ZBTB16: variants seen among roughly 807,000 people sequenced by gnomAD.
The protein encoded by ZBTB16 is zinc finger and BTB domain-containing protein 16.
In ZBTB16, 8 loss-of-function variants were observed where a neutral mutation model predicts 56.8. The observed-to-expected ratio is 0.14, with a 90% CI of 0.08 to 0.25. The LOEUF (loss-of-function observed/expected upper bound fraction) is 0.25, where lower values mean the gene tolerates loss of function less well. Ranked by LOEUF, ZBTB16 falls within the 10% of genes least tolerant of loss-of-function variation. The pLI, the probability that ZBTB16 is intolerant of heterozygous loss-of-function variation, is 1.00. For synonymous variants in ZBTB16, 363 were observed against 368.5 expected (o/e 0.98, Z 0.17); for missense variants, 625 against 903.0 (o/e 0.69, Z 3.95).
chr11:114,140,293 G>C (rs1447978902), intron 2 of ZBTB16, among the ~76,000 whole-genome samples: 1 of 152,198 alleles, frequency 6.6e-6, no homozygotes. Context: ...TCCCACTCAG[G>C]CTGGGTGTTG....
At chr11:114,195,087 C>G (rs1179457320) in intron 4 of ZBTB16, among the ~76,000 whole-genome samples, 1 of 152,112 alleles carries the variant, frequency 6.6e-6, no homozygotes, top group Non-Finnish European at 1.5e-5. Flanking sequence ...GTGGGTTTTA[C>G]AAATCATAAT....
Position 114,063,099 on chromosome 11 carries a change from A to G in ZBTB16, c.-90-112A>G, listed in dbSNP as rs1173663513. 1.6e-6 allele frequency: 1 copy of G among 612,744 alleles called. No individual in the cohort carries two copies. Among genetic ancestry groups the G allele is most frequent in the Non-Finnish European group, 2.9e-6 (1 of 348,398 alleles). 38.0% of individuals were successfully genotyped at this position (612,744 alleles called of 1,614,324 possible). A position where few individuals can be genotyped will look rare whatever the true frequency, so the allele number is the denominator to read the frequency against. ...AGATCCTCTTGCTAAGGGCTTGGCA[A>G]CAGGGAGGAGGGGGCATGTTGTAGT... On this transcript the variant is annotated intron_variant, in intron 1 of 6. Coordinates refer to ENST00000335953, the MANE Select transcript of ZBTB16 (RefSeq NM_006006.6). This position sits in a 1 kb window ranked among gnomAD's most constrained non-coding sequence, Gnocchi z 6.5.
rs1386647182 is a variant in ZBTB16 at position 114,253,217 on chromosome 11, T to C, written c.*2662T>C. 1.3e-5 allele frequency among the ~76,000 whole-genome samples: 2 copies of C among 151,942 alleles called. No homozygotes were observed. Among genetic ancestry groups the C allele is most frequent in the African/African-American group, 2.4e-5 (1 of 41,364 alleles). ...AAGGAAGAGAAAAAAATCAAACTAT[T>C]CCATAGAACTAGCTGGCCCCCTCAC... On this transcript the variant is annotated 3_prime_UTR_variant, in exon 7 of 7. Transcript: ENST00000335953.
chr11:114,212,478 T>C (rs1185040235), intron 4 of ZBTB16, among the ~76,000 whole-genome samples: 1 of 152,096 alleles, frequency 6.6e-6, no homozygotes, highest in South Asian at 2.1e-4. Flanking sequence ...GCCACACAAA[T>C]TTAGAAAGGG....
At chr11:114,099,542 T>C (rs1940535781) in intron 2 of ZBTB16, among the ~76,000 whole-genome samples, 1 of 152,102 alleles carries the variant, frequency 6.6e-6, no homozygotes, top group Non-Finnish European at 1.5e-5. Flanking sequence ...AGTGTGGTTT[T>C]AGTTTAACCA....
chr11:114,234,643 G>A (rs1001582192), intron 4 of ZBTB16, among the ~76,000 whole-genome samples: 3 of 152,182 alleles, frequency 2.0e-5, no homozygotes, highest in Non-Finnish European at 4.4e-5. Context: ...AAAAGGAGGT[G>A]AGTCCTAAAT....
intron 4 of ZBTB16, among the ~76,000 whole-genome samples, chr11:114,192,528 C>T (rs1007164240): frequency 6.6e-6 from 1 of 152,186 alleles, no homozygotes; most frequent in Non-Finnish European, 1.5e-5. Flanking sequence ...AGTATTTCAG[C>T]GTTCTTGTCC....
chr11:114,177,028 G>A (rs1173014525), intron 3 of ZBTB16, among the ~76,000 whole-genome samples: 1 of 152,164 alleles, frequency 6.6e-6, no homozygotes, highest in Non-Finnish European at 1.5e-5. Flanking sequence ...GAAATACTAT[G>A]GGCTGCATAC....
chr11:114,061,139 G>A (rs889652678), intron 1 of ZBTB16, among the ~76,000 whole-genome samples: 5 of 151,464 alleles, frequency 3.3e-5, no homozygotes, highest in Admixed American at 6.6e-5. Flanking sequence ...GGTGGGGGTC[G>A]CTGGGAACTG....
chr11:114,067,087 A>T (rs1939147961), intron 2 of ZBTB16, among the ~76,000 whole-genome samples: 1 of 152,090 alleles, frequency 6.6e-6, no homozygotes, highest in South Asian at 2.1e-4. Context: ...ACTTCTTAAA[A>T]TGGAGACGGT....
intron 2 of ZBTB16, among the ~76,000 whole-genome samples, chr11:114,094,416 T>G (rs1313021400): frequency 1.3e-5 from 2 of 152,180 alleles, no homozygotes; most frequent in Non-Finnish European, 2.9e-5. Context: ...ATCTCAACAT[T>G]GGGATATTGG....
chr11:114,117,420 C>A (rs76509279), intron 2 of ZBTB16, among the ~76,000 whole-genome samples: 6 of 151,722 alleles, frequency 4.0e-5, no homozygotes, highest in African/African-American at 1.5e-4. Flanking sequence ...GAGGAACCAC[C>A]TAGGAGCCCG....
Position 114,247,399 on chromosome 11 carries a change from C to T in ZBTB16, c.1792+34C>T, listed in dbSNP as rs376495809. 32 of 1,613,592 alleles carry T rather than the reference C, an allele frequency of 2.0e-5. No homozygotes were observed. The African/African-American group carries it at 4.1e-4, about 21-fold the overall frequency. ...GGCCAGGGAGGGGCCTGAGCTGGCT[C>T]TGGGACCTGGGCGGAGGTGGGAAGC... On this transcript the variant is annotated intron_variant, in intron 6 of 6. Transcript: ENST00000335953.
intron 4 of ZBTB16, among the ~76,000 whole-genome samples, chr11:114,216,310 T>A (rs1043528048): frequency 1.3e-5 from 2 of 152,162 alleles, no homozygotes; most frequent in Non-Finnish European, 2.9e-5. Flanking sequence ...GACTGGCACA[T>A]TTGTCCTTCA....
intron 2 of ZBTB16, among the ~76,000 whole-genome samples, chr11:114,082,087 G>A (rs971346228): frequency 1.9e-4 from 26 of 138,638 alleles, no homozygotes; most frequent in African/African-American, 7.1e-4. Flanking sequence ...TTTGAGACTG[G>A]CTTGGGCAAT....
intron 4 of ZBTB16, among the ~76,000 whole-genome samples, chr11:114,229,455 C>T (rs761280805): frequency 2.6e-5 from 4 of 152,166 alleles, no homozygotes; most frequent in Non-Finnish European, 5.9e-5. Context: ...GGACGTGTCT[C>T]TTTTATTTCT....
At chr11:114,198,631 A>G (rs1254547040) in intron 4 of ZBTB16, among the ~76,000 whole-genome samples, 1 of 152,268 alleles carries the variant, frequency 6.6e-6, no homozygotes, top group Admixed American at 6.5e-5. Context: ...TGGAATGGAG[A>G]GTATAGAGTT....
At chr11:114,071,884 C>G (rs147918709) in intron 2 of ZBTB16, among the ~76,000 whole-genome samples, 33 of 152,332 alleles carry the variant, frequency 2.2e-4, no homozygotes, top group East Asian at 9.6e-4. Context: ...GGTCAGACTT[C>G]TGATTTTGCT....
At chr11:114,111,185 G>A (rs1011958735) in intron 2 of ZBTB16, among the ~76,000 whole-genome samples, 6 of 151,736 alleles carry the variant, frequency 4.0e-5, no homozygotes, top group Non-Finnish European at 7.4e-5. Flanking sequence ...GTGTGTGCAC[G>A]CGCGAGATAA....
Sources: gnomAD v4.1 joint callset for allele counts (sites outside exome capture counted in the v4.1 genomes callset) on GRCh38, gnomAD v4.1.1 for gene constraint, Gnocchi (gnomAD v3.1) non-coding constraint, MANE v1.5 for transcripts, NCBI Gene and HGNC (gene_info 2026-07-23, HGNC 2026-07-21) for gene names.